DNAH8: variants seen among roughly 807,000 people sequenced by gnomAD.
DNAH8 encodes dynein axonemal heavy chain 8, also known as axonemal beta dynein heavy chain 8.
In DNAH8, 382 loss-of-function variants were observed where a neutral mutation model predicts 562.1. The ratio of observed to expected loss-of-function variants is 0.68; its 90% CI spans 0.63 to 0.74. The LOEUF is 0.74. Among genes scored for constraint, DNAH8 ranks in the 30% least tolerant of loss-of-function variants. DNAH8 has a pLI of 0.00. For missense variants in DNAH8, 5,203 were observed against 5,620.4 expected (o/e 0.93, Z 2.37); for synonymous variants, 1,881 against 1,919.4 (o/e 0.98, Z 0.52).
rs187868634 is a variant in DNAH8 at position 38,887,997 on chromosome 6, C to T, written c.8473+993C>T. ...GATTACAGGCGCCTGCCACCACACC[C>T]GGCTAATTTTTTTGTATTTTTAGTA... On this transcript the variant is annotated intron_variant, in intron 57 of 92. Transcript: ENST00000327475. Among the ~76,000 whole-genome samples the T allele has an allele frequency of 7.5e-4, 114 of 151,970 alleles. 1 individual carries two copies. In the East Asian group the frequency reaches 0.019, roughly 26 times the overall value.
chr6:39,013,628 A>G (rs965682885), intron 91 of DNAH8, among the ~76,000 whole-genome samples: 6 of 152,158 alleles, frequency 3.9e-5, no homozygotes, highest in Admixed American at 1.3e-4. Context: ...AAGGTGGGCA[A>G]GTTGCTTGAG....
intron 36 of DNAH8, 46 bp downstream of exon 36, chr6:38,845,819 T>A (rs1206953068): frequency 2.2e-5 from 33 of 1,498,368 alleles, no homozygotes; most frequent in Non-Finnish European, 2.9e-5. Flanking sequence ...ATATTTAGGG[T>A]TATAAAATTC....
At chr6:38,795,032 T>TA (rs1165466589) in intron 21 of DNAH8, among the ~76,000 whole-genome samples, 8 of 152,242 alleles carry the variant, frequency 5.3e-5, no homozygotes, top group African/African-American at 1.9e-4. Context: ...TTGATTGAAA[T>TA]ATCTCTTTAA....
intron 63 of DNAH8, 92 bp downstream of exon 63, chr6:38,906,499 T>C: frequency 9.6e-7 from 1 of 1,045,966 alleles, no homozygotes; most frequent in Non-Finnish European, 1.3e-6. Context: ...AATGAGGCTA[T>C]TTAGTACATT....
chr6:38,945,073 T>G (rs1783757064), intron 79 of DNAH8, among the ~76,000 whole-genome samples: 1 of 152,158 alleles, frequency 6.6e-6, no homozygotes, highest in Admixed American at 6.5e-5. Flanking sequence ...CAAGTAGTTT[T>G]TAATGGCAAG....
chr6:38,857,565 G>A lies in DNAH8; in HGVS notation c.5781G>A (p.Glu1927=), dbSNP rs776236879. The change falls in exon 42 of 93, where the codon GAG becomes GAA. Residue 1927 remains glutamate, a synonymous_variant. Transcript: ENST00000327475. ...IQMLWTHDSE[E]ALRNAKDDRK... is the part of the protein sequence containing the mutation. ...TGTTGTGGACACACGATTCAGAAGA[G>A]GCTTTACGTAATGCAAAAGATGACA... The A allele has an allele frequency of 1.6e-5, 26 of 1,613,934 alleles. No homozygotes were observed. The highest frequency in any genetic ancestry group is 1.8e-5 in the Non-Finnish European group (21 of 1,179,888).
chr6:38,762,058 C>T (rs1766576040), intron 11 of DNAH8, among the ~76,000 whole-genome samples: 1 of 152,186 alleles, frequency 6.6e-6, no homozygotes, highest in African/African-American at 2.4e-5. Flanking sequence ...CTGGCCCCTA[C>T]ATCTCATTCC....
intron 89 of DNAH8, among the ~76,000 whole-genome samples, chr6:39,009,399 G>A (rs1322042617): frequency 2.6e-5 from 4 of 152,084 alleles, no homozygotes; most frequent in Admixed American, 2.0e-4. Flanking sequence ...ACTGTAGGTA[G>A]ATGATCCACC....
intron 11 of DNAH8, 146 bp downstream of exon 11, chr6:38,761,949 T>TATTTC: frequency 4.2e-6 from 2 of 473,896 alleles, no homozygotes; most frequent in Non-Finnish European, 7.5e-6. Context: ...TCTTATTATC[T>TATTTC]ATTTCCCTTT....
Position 38,929,526 on chromosome 6 carries a change from C to T in DNAH8, c.11134C>T (p.His3712Tyr). 7.4e-6 allele frequency: 12 copies of T among 1,611,582 alleles called. No homozygotes were observed. The highest frequency in any genetic ancestry group is 1.0e-5 in the Non-Finnish European group (12 of 1,178,804). The change falls in exon 75 of 93, where the codon CAT becomes TAT. Residue 3712 changes from histidine (H) to tyrosine (Y), a missense_variant. Transcript: ENST00000327475. ...TTCTGTTTAGGTGACATCTCTGAAC[C>T]ATAAATATTTTCGCACACACTTGGA... is the stretch of plus-strand genomic sequence containing the variant. ...ENDLQVTSLN[H>Y]KYFRTHLEDS...
intron 84 of DNAH8, among the ~76,000 whole-genome samples, chr6:38,974,033 A>C (rs1183497350): frequency 2.0e-5 from 3 of 152,178 alleles, no homozygotes; most frequent in African/African-American, 7.2e-5. Context: ...TAATTTATTG[A>C]GTTTCAGCTC....
intron 62 of DNAH8, among the ~76,000 whole-genome samples, chr6:38,900,507 G>C (rs1291776879): frequency 6.6e-6 from 1 of 152,152 alleles, no homozygotes; most frequent in Non-Finnish European, 1.5e-5. Flanking sequence ...TAGTTGATCT[G>C]CTTAGTAGTT....
rs185985580 is a variant in DNAH8 at position 38,852,465 on chromosome 6, G to A, written c.5467-229G>A. On this transcript the variant is annotated intron_variant, in intron 39 of 92. Transcript: ENST00000327475. ...GACAGTCCTTAGTCTAATCTGCATA[G>A]CATGGGAGGGGCCATTTGCAGGACT... Among the ~76,000 whole-genome samples the A allele has an allele frequency of 1.3e-4, 19 of 151,962 alleles. No individual in the cohort carries two copies. The East Asian group carries it at 3.6e-3, about 29-fold the overall frequency.
At chr6:38,828,927 CT>C (rs1285131261) in intron 30 of DNAH8, among the ~76,000 whole-genome samples, 2 of 152,198 alleles carry the variant, frequency 1.3e-5, no homozygotes, top group African/African-American at 4.8e-5. Context: ...CACTAATCTA[CT>C]TTCTGTTTCT....
intron 88 of DNAH8, among the ~76,000 whole-genome samples, chr6:39,002,907 A>C (rs1207443585): frequency 6.6e-6 from 1 of 152,186 alleles, no homozygotes; most frequent in Non-Finnish European, 1.5e-5. Flanking sequence ...CACCTTATGC[A>C]TTTATCATGG....
chr6:38,984,143 C>T (rs917003465), intron 86 of DNAH8, 63 bp from the exon 87 acceptor site: 13 of 967,930 alleles, frequency 1.3e-5, no homozygotes, highest in African/African-American at 3.3e-5. Context: ...GGGAAAGACC[C>T]GAAATGTTTA....
chr6:39,026,189 C>A (rs1346520437), intron 91 of DNAH8, among the ~76,000 whole-genome samples: 1 of 152,194 alleles, frequency 6.6e-6, no homozygotes, highest in African/African-American at 2.4e-5. Context: ...TTTCACCATT[C>A]CGATCTTATT....
At chr6:38,945,640 C>A (rs1327163992) in intron 80 of DNAH8, 52 bp downstream of exon 80, 1 of 1,607,156 alleles carries the variant, frequency 6.2e-7, no homozygotes. Flanking sequence ...CCCAAACATA[C>A]CTGGGCCGCT....
intron 83 of DNAH8, 87 bp downstream of exon 83, chr6:38,971,752 C>T (rs773687610): frequency 7.6e-6 from 8 of 1,052,290 alleles, no homozygotes; most frequent in Non-Finnish European, 1.1e-5. Flanking sequence ...TCGTGATGCT[C>T]AATCCTGGTT....
Sources: gnomAD v4.1 joint callset for allele counts (sites outside exome capture counted in the v4.1 genomes callset) on GRCh38, gnomAD v4.1.1 for gene constraint, MANE v1.5 for transcripts, NCBI Gene and HGNC (gene_info 2026-07-23, HGNC 2026-07-21) for gene names.